The following HHAT variants were observed in gnomAD, a reference collection of about 807,000 sequenced individuals.
HHAT encodes hedgehog acyltransferase.
A neutral mutation model predicts 70.8 loss-of-function variants in HHAT; 47 were observed. The ratio of observed to expected loss-of-function variants is 0.66; its 90% CI spans 0.53 to 0.85. The LOEUF is 0.85. HHAT is among the 40% of genes least tolerant of loss of function. The probability of loss-of-function intolerance (pLI) is 0.00; values close to 1 mark genes in which losing one functional copy is unlikely to be tolerated. For missense variants in HHAT, 609 were observed against 604.8 expected (o/e 1.01, Z -0.07); for synonymous variants, 228 against 247.6 (o/e 0.92, Z 0.74).
chr1:210,383,168 C>T (rs576234397), intron 3 of HHAT, among the ~76,000 whole-genome samples: 39 of 152,214 alleles, frequency 2.6e-4, no homozygotes, highest in Middle Eastern at 6.8e-3. Flanking sequence ...GGTGAAACCC[C>T]GTATCTACTA....
intron 11 of HHAT, among the ~76,000 whole-genome samples, chr1:210,666,842 C>T (rs1409058789): frequency 9.2e-5 from 14 of 152,068 alleles, no homozygotes; most frequent in African/African-American, 2.9e-4. Context: ...CCTGTAATCC[C>T]AGCACTTTGG....
intron 10 of HHAT, among the ~76,000 whole-genome samples, chr1:210,603,335 T>G (rs1178010813): frequency 6.6e-6 from 1 of 152,182 alleles, no homozygotes; most frequent in Non-Finnish European, 1.5e-5. Context: ...TGATTCTTTA[T>G]CTGTGAGTCT....
Position 210,530,757 on chromosome 1 carries a change from T to G in HHAT, c.1043+17569T>G, listed in dbSNP as rs554893445. 2.0e-5 allele frequency among the ~76,000 whole-genome samples: 3 copies of G among 152,270 alleles called. No homozygotes were observed. The South Asian group carries it at 6.2e-4, about 32-fold the overall frequency. On this transcript the variant is annotated intron_variant, in intron 9 of 11. Transcript: ENST00000261458. The stretch of plus-strand genomic sequence containing the variant: ...GGCCCTATGTGCTTCTAAGACAGCA[T>G]GTTGACCGAACTAAGCCAATAGGAA...
intron 1 of HHAT, among the ~76,000 whole-genome samples, chr1:210,333,020 A>C (rs11119462): frequency 0.12 from 18,293 of 152,214 alleles, 1,594 homozygotes; most frequent in Admixed American, 0.27. Flanking sequence ...GCACACCTGG[A>C]AGTGGTAAAT....
At chr1:210,491,845 C>A (rs1300083115) in intron 8 of HHAT, among the ~76,000 whole-genome samples, 2 of 152,174 alleles carry the variant, frequency 1.3e-5, no homozygotes, top group African/African-American at 4.8e-5. Context: ...TCACTGCAAC[C>A]TCCACCTCCT....
At chr1:210,595,669 G>C (rs1034199945) in intron 10 of HHAT, among the ~76,000 whole-genome samples, 4 of 152,186 alleles carry the variant, frequency 2.6e-5, no homozygotes, top group Non-Finnish European at 5.9e-5. Flanking sequence ...TAACTGGTGT[G>C]AGATGGTATC....
chr1:210,469,835 A>AT (rs1003484313), intron 8 of HHAT, among the ~76,000 whole-genome samples: 60 of 148,168 alleles, frequency 4.0e-4, no homozygotes, highest in African/African-American at 9.9e-4. Flanking sequence ...TACACAGCCA[A>AT]TTTTTTTTTT....
intron 8 of HHAT, among the ~76,000 whole-genome samples, chr1:210,497,184 G>T (rs913119532): frequency 1.3e-5 from 2 of 152,168 alleles, no homozygotes; most frequent in South Asian, 2.1e-4. Flanking sequence ...AAACATAAAG[G>T]TATGCCCTAC....
intron 8 of HHAT, among the ~76,000 whole-genome samples, chr1:210,494,102 T>C (rs1028558843): frequency 2.6e-5 from 4 of 152,246 alleles, no homozygotes; most frequent in African/African-American, 9.6e-5. Context: ...GCTTAAAGGC[T>C]AAATCTCAAT....
intron 9 of HHAT, among the ~76,000 whole-genome samples, chr1:210,582,471 C>T (rs552055862): frequency 7.2e-5 from 11 of 152,198 alleles, no homozygotes; most frequent in Middle Eastern, 3.4e-3. Context: ...TGGGATTAGT[C>T]TGTCATAGAG....
At chr1:210,537,088 A>G (rs2095380774) in intron 9 of HHAT, among the ~76,000 whole-genome samples, 1 of 152,126 alleles carries the variant, frequency 6.6e-6, no homozygotes, top group South Asian at 2.1e-4. Flanking sequence ...TGCCTCTGAT[A>G]CATCCTCACC....
chr1:210,481,203 C>T (rs1456342643), intron 8 of HHAT, among the ~76,000 whole-genome samples: 1 of 152,142 alleles, frequency 6.6e-6, no homozygotes. Context: ...GAATTAATGA[C>T]CACTGGGCCA....
intron 11 of HHAT, among the ~76,000 whole-genome samples, chr1:210,632,117 C>T (rs1670979482): frequency 6.6e-6 from 1 of 152,130 alleles, no homozygotes; most frequent in Non-Finnish European, 1.5e-5. Context: ...AGTATTCTCT[C>T]TAAGGGGAAG....
At chr1:210,534,944 G>A (rs140965927) in intron 9 of HHAT, among the ~76,000 whole-genome samples, 127 of 152,306 alleles carry the variant, frequency 8.3e-4, no homozygotes, top group African/African-American at 3.0e-3. Context: ...GGATTGGGTT[G>A]ATCTCTCTTT....
intron 3 of HHAT, among the ~76,000 whole-genome samples, chr1:210,363,942 ACTAATATTTTT>A (rs1002542817): frequency 3.9e-5 from 6 of 152,306 alleles, no homozygotes; most frequent in African/African-American, 1.4e-4. Context: ...TACTGCCTGT[ACTAATATTTTT>A]CTATTGAAAG....
rs150462339 is a variant in HHAT, at chr1:210,587,952, T to G, written c.1098T>G (p.Phe366Leu). ...AGCATGGCCTGCTGGGGACACTGTT[T>G]TCCACGGCGATGACATTTGCATTTG... The part of the protein sequence containing the change: ...GSQHGLLGTL[F>L]STAMTFAFVS... The change falls in exon 10 of 12, where the codon TTT (phenylalanine) becomes TTG (leucine). Residue 366 changes from phenylalanine to leucine, a missense_variant. Phe to Leu is a conservative substitution (Grantham distance 22). Transcript: ENST00000261458. The G allele has an allele frequency of 3.6e-5, 58 of 1,614,048 alleles. No individual in the cohort carries two copies. The African/African-American group carries it at 6.9e-4, about 19-fold the overall frequency.
chr1:210,493,709 AG>A (rs1275677789), intron 8 of HHAT, among the ~76,000 whole-genome samples: 3 of 152,114 alleles, frequency 2.0e-5, no homozygotes, highest in Non-Finnish European at 4.4e-5. Context: ...CTGGGTGCGG[AG>A]GTTGCCAAAA....
intron 3 of HHAT, among the ~76,000 whole-genome samples, chr1:210,367,491 G>GA (rs915723900): frequency 2.6e-5 from 4 of 152,314 alleles, no homozygotes; most frequent in South Asian, 4.1e-4. Flanking sequence ...GCTTCTGGGA[G>GA]AAGGGGGCTG....
intron 7 of HHAT, among the ~76,000 whole-genome samples, chr1:210,423,625 T>C (rs554198104): frequency 6.6e-6 from 1 of 152,370 alleles, no homozygotes; most frequent in East Asian, 1.9e-4. Context: ...TATAAAACCT[T>C]TCCCTGACCA....
Sources: allele counts gnomAD v4.1 joint callset (sites outside exome capture counted in the v4.1 genomes callset), GRCh38; gene constraint gnomAD v4.1.1; transcripts MANE v1.5; gene names NCBI Gene and HGNC (gene_info 2026-07-23, HGNC 2026-07-21).